The following SLC5A3 variants were observed in gnomAD, a reference collection of about 807,000 sequenced individuals.
SLC5A3 encodes solute carrier family 5 member 3.
Under a neutral mutation model 43.2 loss-of-function variants are expected in SLC5A3, and 10 were observed. The ratio of observed to expected loss-of-function variants is 0.23; its 90% CI spans 0.14 to 0.39. The LOEUF is 0.39. Ranked by LOEUF, SLC5A3 falls within the 10% of genes least tolerant of loss-of-function variation. SLC5A3 has a pLI of 1.00. For missense variants in SLC5A3, 608 were observed against 893.4 expected, an observed-to-expected ratio of 0.68 and a Z score of 4.07; for synonymous variants, 349 against 322.0, an observed-to-expected ratio of 1.08 and a Z score of -0.90.
chr21:34,078,379 C>T (rs1292496817), intron 1 of SLC5A3, among the ~76,000 whole-genome samples: 2 of 152,162 alleles, frequency 1.3e-5, no homozygotes, highest in African/African-American at 4.8e-5. Flanking sequence ...CCCTGAGCTA[C>T]AGCTAAGGTA....
chr21:34,073,716 CT>C lies in SLC5A3; in HGVS notation c.-365del. 6.5e-7 allele frequency: 1 copy of C among 1,529,450 alleles called. No individual in the cohort carries two copies. The highest frequency in any genetic ancestry group is 8.8e-7 in the Non-Finnish European group (1 of 1,132,180). 94.7% of individuals were successfully genotyped at this position (1,529,450 alleles called of 1,614,324 possible). On this transcript the variant is annotated 5_prime_UTR_variant, in exon 1 of 2. An upstream open reading frame in the 5' UTR gains an earlier in-frame stop. Coordinates refer to ENST00000381151, the MANE Select transcript of SLC5A3 (RefSeq NM_006933.7). The stretch of plus-strand genomic sequence containing the variant: ...TCCTCCAGGCATGCCCCGCTACGAG[CT>C]GGCTTTAATCCTGAAAGCCATGCAG...
chr21:34,086,673 TATC>T (rs1347319024), intron 1 of SLC5A3, among the ~76,000 whole-genome samples: 9 of 152,222 alleles, frequency 5.9e-5, no homozygotes, highest in African/African-American at 2.2e-4. Context: ...TGGGGATCAT[TATC>T]ATGTCTGCCT....
At chr21:34,092,449 C>T (rs960718072) in intron 1 of SLC5A3, among the ~76,000 whole-genome samples, 17 of 152,254 alleles carry the variant, frequency 1.1e-4, no homozygotes, top group Middle Eastern at 6.8e-3. Context: ...GAAGCCTAGG[C>T]GGAGAGTTGA....
Position 34,103,671 on chromosome 21 carries a change from G to GT in SLC5A3, c.*6317dup, listed in dbSNP as rs1292191269. 1 of 1,000,016 alleles carries GT rather than the reference G, an allele frequency of 1.0e-6. No homozygotes were observed. Among genetic ancestry groups the GT allele is most frequent in the African/African-American group, 1.7e-5 (1 of 57,198 alleles). 61.9% of individuals were successfully genotyped at this position (1,000,016 alleles called of 1,614,324 possible). On this transcript the variant is annotated 3_prime_UTR_variant, in exon 2 of 2. Coordinates refer to ENST00000381151, the MANE Select transcript of SLC5A3 (RefSeq NM_006933.7). ...AAGTGCCAGTCATAAAGGCCACCAG[G>GT]TATTTGTCTCAGAGTTGCTATGAGC...
At chr21:34,075,816 A>G (rs1437047658) in intron 1 of SLC5A3, among the ~76,000 whole-genome samples, 1 of 152,244 alleles carries the variant, frequency 6.6e-6, no homozygotes, top group East Asian at 1.9e-4. Context: ...AGTTTAGGAA[A>G]ATAGGATTCT....
intron 1 of SLC5A3, among the ~76,000 whole-genome samples, chr21:34,085,971 A>C (rs940868894): frequency 4.6e-5 from 7 of 152,196 alleles, no homozygotes; most frequent in East Asian, 1.9e-4. Flanking sequence ...CCTCATGTTC[A>C]TGTTCAAATT....
Position 34,100,328 on chromosome 21 carries a change from A to G in SLC5A3, c.*2973A>G, listed in dbSNP as rs1979176559. The G allele has an allele frequency of 3.0e-6, 3 of 1,000,146 alleles. No homozygotes were observed. The highest frequency in any genetic ancestry group is 4.7e-5 in the South Asian group (1 of 21,258). The allele number at this position is 1,000,146 out of a possible 1,614,324, so 62.0% of individuals were successfully genotyped here. A position where few individuals can be genotyped will look rare whatever the true frequency, so the allele number is the denominator to read the frequency against. The stretch of plus-strand genomic sequence containing the variant: ...TTATTGCATATTTTGTGGGACCTCT[A>G]ATTTCCCTGGTCATCTTTCAGAATA... On this transcript the variant is annotated 3_prime_UTR_variant, in exon 2 of 2. Coordinates refer to ENST00000381151, the MANE Select transcript of SLC5A3 (RefSeq NM_006933.7).
At chr21:34,073,775 C>T (rs372114644) in intron 1 of SLC5A3, 30 bp downstream of exon 1, 15 of 1,457,336 alleles carry the variant, frequency 1.0e-5, no homozygotes, top group South Asian at 5.0e-5. Context: ...AGCCGGTCTT[C>T]CCGCGCGGGC....
chr21:34,074,045 C>T lies in SLC5A3; in HGVS notation c.-337+300C>T, dbSNP rs544192950. On this transcript the variant is annotated intron_variant, in intron 1 of 1. Coordinates refer to ENST00000381151, the MANE Select transcript of SLC5A3 (RefSeq NM_006933.7). ...GGGCGGACCGAGCGGGCCCCGACCC[C>T]GATCCCGGCGCCGGCCCGCGGGAGT... 9.4e-4 allele frequency among the ~76,000 whole-genome samples: 137 copies of T among 146,406 alleles called. 3 individuals carry two copies. The highest frequency in any genetic ancestry group is 5.5e-3 in the Admixed American group (81 of 14,804).
chr21:34,101,053 G>T lies in SLC5A3; in HGVS notation c.*3698G>T. ...CCTCACTGTTTCCTAGGTTTGGATA[G>T]AGAGATGTATACAAGACCTTTCCTG... On this transcript the variant is annotated 3_prime_UTR_variant, in exon 2 of 2. Coordinates refer to ENST00000381151, the MANE Select transcript of SLC5A3 (RefSeq NM_006933.7). 1 of 1,000,178 alleles carries T rather than the reference G, an allele frequency of 1.0e-6. No homozygotes were observed. Among genetic ancestry groups the T allele is most frequent in the East Asian group, 1.1e-4 (1 of 8,814 alleles). 62.0% of individuals were successfully genotyped at this position (1,000,178 alleles called of 1,614,324 possible).
chr21:34,101,589 C>G lies in SLC5A3; in HGVS notation c.*4234C>G. 1 of 1,000,010 alleles carries G rather than the reference C, an allele frequency of 1.0e-6. No individual in the cohort carries two copies. The highest frequency in any genetic ancestry group is 1.2e-6 in the Non-Finnish European group (1 of 829,860). 61.9% of individuals were successfully genotyped at this position (1,000,010 alleles called of 1,614,324 possible). On this transcript the variant is annotated 3_prime_UTR_variant, in exon 2 of 2. Coordinates refer to ENST00000381151, the MANE Select transcript of SLC5A3 (RefSeq NM_006933.7). ...TTTGTCTTCCTTCACATTGCTGTGT[C>G]AGTTCTACACCTAGTCTTTTCAGCA...
intron 1 of SLC5A3, among the ~76,000 whole-genome samples, chr21:34,078,983 A>G (rs1208542747): frequency 6.6e-6 from 1 of 152,264 alleles, no homozygotes; most frequent in African/African-American, 2.4e-5. Context: ...GAATTAGTCA[A>G]ATGAATGTCT....
intron 1 of SLC5A3, among the ~76,000 whole-genome samples, chr21:34,085,328 C>T (rs1475721277): frequency 6.6e-6 from 1 of 152,088 alleles, no homozygotes; most frequent in Non-Finnish European, 1.5e-5. Flanking sequence ...ATAGGGATGT[C>T]AATGCATCAC....
rs1979351288 is a variant in SLC5A3, at chr21:34,103,711, A to C, written c.*6356A>C. 1.0e-6 allele frequency: 1 copy of C among 1,000,134 alleles called. No homozygotes were observed. The highest frequency in any genetic ancestry group is 1.7e-5 in the African/African-American group (1 of 57,342). 62.0% of individuals were successfully genotyped at this position (1,000,134 alleles called of 1,614,324 possible). ...TTGCTATGAGCACTACAGTATTGAT[A>C]AGCCCAAGACAATGCGGTATCTAAA... On this transcript the variant is annotated 3_prime_UTR_variant, in exon 2 of 2. Transcript: ENST00000381151.
chr21:34,097,434 T>A lies in SLC5A3; in HGVS notation c.*79T>A. 6.6e-7 allele frequency: 1 copy of A among 1,505,108 alleles called. No homozygotes were observed. Among genetic ancestry groups the A allele is most frequent in the Admixed American group, 2.3e-5 (1 of 42,924 alleles). The allele number at this position is 1,505,108 out of a possible 1,614,324, so 93.2% of individuals were successfully genotyped here. The stretch of plus-strand genomic sequence containing the variant: ...GAAAAAAGTTATGTAACTGTGCATC[T>A]CTCAGGCATTGTTTACGCTGTAGGT... On this transcript the variant is annotated 3_prime_UTR_variant, in exon 2 of 2. Transcript: ENST00000381151.
chr21:34,082,178 G>C (rs1449802652), intron 1 of SLC5A3, among the ~76,000 whole-genome samples: 6 of 152,076 alleles, frequency 3.9e-5, no homozygotes, highest in African/African-American at 1.4e-4. Flanking sequence ...TTAGCTGTAG[G>C]TTGTCTGTAA....
intron 1 of SLC5A3, among the ~76,000 whole-genome samples, chr21:34,079,176 CAGTTGAAT>C (rs1294184617): frequency 6.6e-6 from 1 of 152,110 alleles, no homozygotes; most frequent in East Asian, 1.9e-4. Flanking sequence ...AAAGATTTTA[CAGTTGAAT>C]AGGTGGGGAA....
At chr21:34,092,568 G>C (rs1228807873) in intron 1 of SLC5A3, among the ~76,000 whole-genome samples, 1 of 152,212 alleles carries the variant, frequency 6.6e-6, no homozygotes, top group Non-Finnish European at 1.5e-5. Context: ...ACTTCATGCA[G>C]TTTGAGCATT....
intron 1 of SLC5A3, among the ~76,000 whole-genome samples, chr21:34,091,766 C>T (rs1978706480): frequency 6.6e-6 from 1 of 152,126 alleles, no homozygotes; most frequent in South Asian, 2.1e-4. Flanking sequence ...TTTCAAAGCA[C>T]CTTTGTGTTC....
Sources: gnomAD v4.1 joint callset for allele counts (sites outside exome capture counted in the v4.1 genomes callset) on GRCh38, gnomAD v4.1.1 for gene constraint, MANE v1.5 for transcripts, NCBI Gene and HGNC (gene_info 2026-07-23, HGNC 2026-07-21) for gene names.